DSCAM: variants seen among roughly 807,000 people sequenced by gnomAD.
The protein encoded by DSCAM is DS cell adhesion molecule.
A neutral mutation model predicts 217.7 loss-of-function variants in DSCAM; 47 were observed. The ratio of observed to expected loss-of-function variants is 0.22; its 90% CI spans 0.17 to 0.28. DSCAM has a LOEUF of 0.28. DSCAM is among the 10% of genes least tolerant of loss of function. The pLI, the probability that DSCAM is intolerant of heterozygous loss-of-function variation, is 1.00. For synonymous variants in DSCAM, 1,056 were observed against 1,015.3 expected (o/e 1.04, Z -0.76); for missense variants, 2,080 against 2,618.3 (o/e 0.79, Z 4.49).
intron 1 of DSCAM, among the ~76,000 whole-genome samples, chr21:40,749,918 T>C (rs1486553295): frequency 1.3e-5 from 2 of 152,000 alleles, no homozygotes; most frequent in African/African-American, 2.4e-5. Flanking sequence ...TAATCCTTCA[T>C]TGGCTCCACT....
chr21:40,424,365 G>T (rs1452253596), intron 3 of DSCAM, among the ~76,000 whole-genome samples: 1 of 152,120 alleles, frequency 6.6e-6, no homozygotes, highest in Non-Finnish European at 1.5e-5. Context: ...GGAGAAATAT[G>T]GAGACAGACA....
At chr21:40,094,102 C>T (rs1216829509) in intron 20 of DSCAM, among the ~76,000 whole-genome samples, 10 of 152,110 alleles carry the variant, frequency 6.6e-5, no homozygotes, top group Admixed American at 6.5e-4. Context: ...ATAATTTACC[C>T]CTTTACATTA....
At chr21:40,363,866 AG>A (rs1256835020) in intron 4 of DSCAM, among the ~76,000 whole-genome samples, 23 of 152,240 alleles carry the variant, frequency 1.5e-4, no homozygotes, top group Admixed American at 1.4e-3. Flanking sequence ...AAGTGGGCAA[AG>A]GATATGAACA....
At chr21:40,363,310 T>C (rs1344154352) in intron 4 of DSCAM, among the ~76,000 whole-genome samples, 1 of 139,264 alleles carries the variant, frequency 7.2e-6, no homozygotes, top group Non-Finnish European at 1.5e-5. Flanking sequence ...TGGAGTGCAA[T>C]GGTGCCATCT....
At chr21:40,081,671 C>T (rs947079733) in intron 24 of DSCAM, among the ~76,000 whole-genome samples, 24 of 152,172 alleles carry the variant, frequency 1.6e-4, no homozygotes, top group African/African-American at 4.6e-4. Context: ...TCGAAGCCAC[C>T]TCAAAAAACT....
intron 3 of DSCAM, among the ~76,000 whole-genome samples, chr21:40,392,879 G>A (rs933538362): frequency 6.6e-6 from 1 of 152,082 alleles, no homozygotes; most frequent in Non-Finnish European, 1.5e-5. Flanking sequence ...AAGGTCAACT[G>A]TTAATCATGA....
At chr21:40,129,729 T>A (rs958242088) in intron 19 of DSCAM, among the ~76,000 whole-genome samples, 1 of 152,206 alleles carries the variant, frequency 6.6e-6, no homozygotes, top group African/African-American at 2.4e-5. Context: ...TCCCAGTGTC[T>A]ACTGAGGGGC....
intron 3 of DSCAM, among the ~76,000 whole-genome samples, chr21:40,396,445 T>C (rs1393130449): frequency 6.6e-6 from 1 of 152,132 alleles, no homozygotes; most frequent in Non-Finnish European, 1.5e-5. Context: ...TGTTGGTTTG[T>C]TGTGGAAGTT....
intron 3 of DSCAM, among the ~76,000 whole-genome samples, chr21:40,632,107 G>A (rs2146320564): frequency 6.6e-6 from 1 of 152,254 alleles, no homozygotes; most frequent in African/African-American, 2.4e-5. Flanking sequence ...CTGGGCATGG[G>A]GCCTCCAAAG....
intron 3 of DSCAM, among the ~76,000 whole-genome samples, chr21:40,411,982 T>A (rs1369669608): frequency 6.6e-6 from 1 of 152,192 alleles, no homozygotes; most frequent in Non-Finnish European, 1.5e-5. Context: ...TTCGCTTTCC[T>A]GTTCTTGTGG....
intron 3 of DSCAM, among the ~76,000 whole-genome samples, chr21:40,491,371 G>A (rs1473015950): frequency 2.6e-5 from 4 of 151,884 alleles, no homozygotes; most frequent in African/African-American, 7.3e-5. Flanking sequence ...TTTTTGCCAC[G>A]ATTCTCTTAT....
chr21:40,302,672 TC>T lies in DSCAM; in HGVS notation c.2063-6499del, dbSNP rs1302092437. On this transcript the variant is annotated intron_variant, in intron 9 of 32. Coordinates refer to ENST00000400454, the MANE Select transcript of DSCAM (RefSeq NM_001389.5). ...CGTGCACATAACCAGCACTCCTGTC[TC>T]CCCAAAAAGAACAATTTGATATATA... Among the ~76,000 whole-genome samples the T allele has an allele frequency of 7.9e-5, 12 of 152,272 alleles. No homozygotes were observed. The East Asian group carries it at 1.7e-3, about 22-fold the overall frequency.
Position 40,311,699 on chromosome 21 carries a change from T to TA in DSCAM, c.2062+381dup, listed in dbSNP as rs1024064329. Among the ~76,000 whole-genome samples the TA allele has an allele frequency of 6.2e-4, 94 of 152,088 alleles. 1 individual carries two copies. The highest frequency in any genetic ancestry group is 2.4e-4 in the Non-Finnish European group (16 of 68,034). On this transcript the variant is annotated intron_variant, in intron 9 of 32. Transcript: ENST00000400454. ...ATACATAGCTTTGAGACATATTTTT[T>TA]AAAAAACCATTTATTGAAATAAGAA...
chr21:40,717,535 G>A (rs561840202), intron 1 of DSCAM, among the ~76,000 whole-genome samples: 9 of 152,332 alleles, frequency 5.9e-5, no homozygotes, highest in African/African-American at 2.2e-4. Flanking sequence ...AAGCTACAAT[G>A]GGGATGACCC....
chr21:40,795,709 G>C (rs2091685700), intron 1 of DSCAM, among the ~76,000 whole-genome samples: 12 of 152,212 alleles, frequency 7.9e-5, no homozygotes, highest in Admixed American at 7.9e-4. Context: ...CTAGTGATCT[G>C]AAACTCAAGT....
chr21:40,133,884 C>G lies in DSCAM; in HGVS notation c.3532G>C (p.Glu1178Gln), dbSNP rs559793561. 2 of 1,612,032 alleles carry G rather than the reference C, an allele frequency of 1.2e-6. No individual in the cohort carries two copies. Among genetic ancestry groups the G allele is most frequent in the South Asian group, 2.2e-5 (2 of 90,806 alleles). Residue 1178 changes from glutamate (E) to glutamine (Q), a missense_variant, in exon 19 of 33, where the codon GAG becomes CAG. By Grantham distance (29) the Glu-to-Gln change is conservative (BLOSUM62 2). Transcript: ENST00000400454. The stretch of plus-strand genomic sequence containing the variant: ...TCTTTGGTCCGGGTGAAGATCTGCT[C>G]ACTCCTGACCCCGTCTCCTGCGCGG... Reference protein sequence around the residue: ...FTRAGDGVRSEQIFTRTKEDV... With the variant: ...FTRAGDGVRSQQIFTRTKEDV...
Position 40,522,723 on chromosome 21 carries a change from A to G in DSCAM, c.509-153478T>C, listed in dbSNP as rs137910570. Among the ~76,000 whole-genome samples, 90 of 152,336 alleles carry G rather than the reference A, an allele frequency of 5.9e-4. 1 individual carries two copies. The East Asian group carries it at 0.015, about 26-fold the overall frequency. On this transcript the variant is annotated intron_variant, in intron 3 of 32. Transcript: ENST00000400454. Reference sequence around the variant, plus strand: ...AAGAAGTTATCAAATCTCTGTATCTAAAGAGAATTTTCGTCAAGAGTTTTC... The same window carrying G: ...AAGAAGTTATCAAATCTCTGTATCTGAAGAGAATTTTCGTCAAGAGTTTTC...
chr21:40,384,142 A>C (rs527949793), intron 3 of DSCAM: 4 of 152,336 alleles, frequency 2.6e-5, no homozygotes, highest in Non-Finnish European at 5.9e-5. Context: ...GGCCCAGGTA[A>C]GTGGGAGTTC....
intron 3 of DSCAM, among the ~76,000 whole-genome samples, chr21:40,547,590 T>C (rs2076593778): frequency 6.6e-6 from 1 of 151,888 alleles, no homozygotes; most frequent in Non-Finnish European, 1.5e-5. Flanking sequence ...TTAGGAGAAA[T>C]AAAAGGCTTG....
Sources: allele counts gnomAD v4.1 joint callset (sites outside exome capture counted in the v4.1 genomes callset), GRCh38; gene constraint gnomAD v4.1.1; transcripts MANE v1.5; gene names NCBI Gene and HGNC (gene_info 2026-07-23, HGNC 2026-07-21).